Variants in PRKCQ observed in about 807,000 individuals in gnomAD.
PRKCQ encodes protein kinase C theta type.
Under a neutral mutation model 91.2 loss-of-function variants are expected in PRKCQ, and 41 were observed. That is an observed-to-expected ratio of 0.45 (90% CI 0.35 to 0.58). The LOEUF (loss-of-function observed/expected upper bound fraction) is 0.58, where lower values mean the gene tolerates loss of function less well. Ranked by LOEUF, PRKCQ falls within the 20% of genes least tolerant of loss-of-function variation. PRKCQ has a pLI of 0.00. For synonymous variants in PRKCQ, 307 were observed against 316.9 expected (o/e 0.97, Z 0.33); for missense variants, 673 against 896.5 (o/e 0.75, Z 3.18).
intron 1 of PRKCQ, among the ~76,000 whole-genome samples, chr10:6,564,253 C>T (rs771659338): frequency 3.9e-5 from 6 of 152,110 alleles, no homozygotes; most frequent in Non-Finnish European, 8.8e-5. Flanking sequence ...ACATCTTCAG[C>T]GGTGTGAAGA....
intron 15 of PRKCQ, among the ~76,000 whole-genome samples, chr10:6,447,821 T>A (rs668705): frequency 0.99 from 150,789 of 152,340 alleles, 74,639 homozygotes; most frequent in East Asian, 1. Context: ...CGTTTGTAGG[T>A]GAGACAGCAG....
chr10:6,422,261 T>G (rs1211927975), downstream of PRKCQ, among the ~76,000 whole-genome samples: 2 of 152,226 alleles, frequency 1.3e-5, no homozygotes, highest in Non-Finnish European at 2.9e-5. Context: ...CTCATATGGC[T>G]TGTGAGGCTA....
rs1162477564 is a variant in PRKCQ at position 6,579,898 on chromosome 10, G to GCCCCCT, written c.-10+307_-10+312dup. ...TTTCCACCTTCTTCCCTCCCCGCAG[G>GCCCCCT]CCCCCTTTCGTTCAGGTGAGAAGGA... On this transcript the variant is annotated intron_variant, in intron 1 of 17. Coordinates refer to ENST00000263125, the MANE Select transcript of PRKCQ (RefSeq NM_006257.5). Among the ~76,000 whole-genome samples the GCCCCCT allele has an allele frequency of 6.7e-5, 10 of 148,758 alleles. No homozygotes were observed. The South Asian group carries it at 2.1e-3, about 32-fold the overall frequency.
intron 1 of PRKCQ, among the ~76,000 whole-genome samples, chr10:6,571,027 G>T (rs563927976): frequency 1.3e-5 from 2 of 152,124 alleles, no homozygotes; most frequent in African/African-American, 4.8e-5. Flanking sequence ...AGGGGACGGC[G>T]GAGGCAGGAG....
Position 6,427,991 on chromosome 10 carries a change from T to C in PRKCQ, c.*216A>G, listed in dbSNP as rs1564285028. The C allele has an allele frequency of 1.7e-6, 1 of 585,922 alleles. No individual in the cohort carries two copies. The highest frequency in any genetic ancestry group is 1.9e-5 in the African/African-American group (1 of 53,456). 36.3% of individuals were successfully genotyped at this position (585,922 alleles called of 1,614,324 possible). Reference sequence around the variant, plus strand: ...AATGACCTAACTTCAGGAGCGTCTGTGAGACATGTCAGGAGACGAGACACA... The same window carrying C: ...AATGACCTAACTTCAGGAGCGTCTGCGAGACATGTCAGGAGACGAGACACA... On this transcript the variant is annotated 3_prime_UTR_variant, in exon 18 of 18. Transcript: ENST00000263125.
chr10:6,546,188 G>A (rs965050447), intron 1 of PRKCQ, among the ~76,000 whole-genome samples: 6 of 152,156 alleles, frequency 3.9e-5, no homozygotes, highest in African/African-American at 1.4e-4. Flanking sequence ...ATGGTGTACA[G>A]GCCCTGATGT....
At chr10:6,458,410 C>T (rs1353867085) in intron 14 of PRKCQ, among the ~76,000 whole-genome samples, 4 of 152,134 alleles carry the variant, frequency 2.6e-5, no homozygotes, top group Non-Finnish European at 2.9e-5. Flanking sequence ...CATGCTTACA[C>T]CCTATGGGGC....
At chr10:6,565,966 G>A (rs149765132) in intron 1 of PRKCQ, among the ~76,000 whole-genome samples, 28 of 152,270 alleles carry the variant, frequency 1.8e-4, no homozygotes, top group African/African-American at 6.7e-4. Context: ...TTTATTGAAT[G>A]ACTAATGCAG....
the PRKCQ span, among the ~76,000 whole-genome samples, chr10:6,409,656 T>C: frequency 6.6e-6 from 1 of 152,246 alleles, no homozygotes; most frequent in Non-Finnish European, 1.5e-5. Flanking sequence ...CAGCTATTCC[T>C]GAAAGAACTT....
At chr10:6,463,678 A>G (rs1470582987) in intron 13 of PRKCQ, among the ~76,000 whole-genome samples, 5 of 152,212 alleles carry the variant, frequency 3.3e-5, no homozygotes, top group Admixed American at 6.5e-5. Flanking sequence ...AAAGGAAGCT[A>G]GCATGTACTC....
intron 1 of PRKCQ, among the ~76,000 whole-genome samples, chr10:6,539,212 G>A (rs1839689519): frequency 2.0e-5 from 3 of 152,076 alleles, no homozygotes; most frequent in Non-Finnish European, 2.9e-5. Context: ...TCAGTGAATC[G>A]GAGAATGTTT....
intron 3 of PRKCQ, among the ~76,000 whole-genome samples, chr10:6,508,600 G>C (rs1427006556): frequency 1.3e-5 from 2 of 152,230 alleles, no homozygotes; most frequent in Non-Finnish European, 2.9e-5. Flanking sequence ...TTAATGAAAA[G>C]AAAAGTGCTT....
At chr10:6,458,225 C>T (rs114187268) in intron 14 of PRKCQ, among the ~76,000 whole-genome samples, 1,873 of 152,306 alleles carry the variant, frequency 0.012, 30 homozygotes, top group African/African-American at 0.042. Context: ...TGAGCCACTG[C>T]GCCTGGCCAG....
chr10:6,496,809 G>A (rs1397849053), intron 7 of PRKCQ, among the ~76,000 whole-genome samples: 3 of 152,072 alleles, frequency 2.0e-5, no homozygotes, highest in South Asian at 2.1e-4. Flanking sequence ...TGAGTAGCTG[G>A]GATTACAGGC....
chr10:6,403,505 T>G, the PRKCQ span, among the ~76,000 whole-genome samples: 2 of 152,194 alleles, frequency 1.3e-5, no homozygotes, highest in African/African-American at 4.8e-5. Flanking sequence ...AACCGTGAGT[T>G]CCCGGCTCAC....
chr10:6,521,926 T>TG (rs566937144), intron 1 of PRKCQ, among the ~76,000 whole-genome samples: 13 of 138,826 alleles, frequency 9.4e-5, no homozygotes, highest in South Asian at 4.8e-4. Context: ...TGTTATGTTA[T>TG]TTATTTATTT....
the PRKCQ span, among the ~76,000 whole-genome samples, chr10:6,413,537 G>GCGCACACACA: frequency 1.2e-4 from 7 of 56,964 alleles, no homozygotes; most frequent in South Asian, 5.7e-4. Flanking sequence ...TGCCACTTGT[G>GCGCACACACA]CACACACACA....
intron 12 of PRKCQ, among the ~76,000 whole-genome samples, chr10:6,476,362 C>T (rs574967341): frequency 6.7e-6 from 1 of 149,966 alleles, no homozygotes; most frequent in East Asian, 1.9e-4. Context: ...AGCACAACTG[C>T]CTAAGTGCCC....
At chr10:6,545,226 G>A (rs1473870180) in intron 1 of PRKCQ, among the ~76,000 whole-genome samples, 1 of 152,176 alleles carries the variant, frequency 6.6e-6, no homozygotes, top group Non-Finnish European at 1.5e-5. Context: ...ATTTAGAAAG[G>A]GAAGAGAAGG....
Sources: allele counts gnomAD v4.1 joint callset (sites outside exome capture counted in the v4.1 genomes callset), GRCh38; gene constraint gnomAD v4.1.1; transcripts MANE v1.5; gene names NCBI Gene and HGNC (gene_info 2026-07-23, HGNC 2026-07-21).